The following XRCC4 variants were observed in gnomAD, a reference collection of about 807,000 sequenced individuals.
XRCC4 encodes the protein DNA repair protein XRCC4.
In XRCC4, 28 loss-of-function variants were observed where a neutral mutation model predicts 39.1. The observed-to-expected ratio is 0.72, with a 90% CI of 0.53 to 0.98. The LOEUF (loss-of-function observed/expected upper bound fraction) is 0.98. XRCC4 is among the 50% of genes least tolerant of loss of function. The probability of loss-of-function intolerance (pLI) is 0.00; values close to 1 mark genes in which losing one functional copy is unlikely to be tolerated. For missense variants in XRCC4, 350 were observed against 376.4 expected (o/e 0.93, Z 0.58); for synonymous variants, 123 against 126.4 (o/e 0.97, Z 0.18).
At chr5:83,300,701 G>C (rs1580482354) in intron 7 of XRCC4, among the ~76,000 whole-genome samples, 1 of 151,658 alleles carries the variant, frequency 6.6e-6, no homozygotes, top group East Asian at 1.9e-4. Context: ...ATCTACATTA[G>C]GTATTTCTCC....
intron 6 of XRCC4, 133 bp downstream of exon 6, chr5:83,205,054 A>T (rs1352616035): frequency 5.0e-6 from 3 of 604,934 alleles, no homozygotes; most frequent in Admixed American, 6.3e-5. Context: ...TTTTTATTTT[A>T]AAAACTCAAA....
chr5:83,237,354 G>A (rs954046998), intron 6 of XRCC4, among the ~76,000 whole-genome samples: 1 of 152,034 alleles, frequency 6.6e-6, no homozygotes, highest in Non-Finnish European at 1.5e-5. Context: ...TGTGGTACAT[G>A]TACACAATAG....
chr5:83,364,079 A>C, the XRCC4 span, among the ~76,000 whole-genome samples: 1 of 152,206 alleles, frequency 6.6e-6, no homozygotes, highest in East Asian at 1.9e-4. Context: ...AATAACACAA[A>C]GCATTGTGAA....
At chr5:83,254,753 A>G (rs867351024) in intron 6 of XRCC4, among the ~76,000 whole-genome samples, 1 of 152,108 alleles carries the variant, frequency 6.6e-6, no homozygotes, top group Non-Finnish European at 1.5e-5. Flanking sequence ...AAGACCAAAC[A>G]TTATCACAAT....
intron 1 of XRCC4, among the ~76,000 whole-genome samples, chr5:83,088,466 A>G (rs1580199249): frequency 6.6e-6 from 1 of 152,276 alleles, no homozygotes; most frequent in East Asian, 1.9e-4. Flanking sequence ...GACGTTCTGC[A>G]GGTTGATTTC....
At chr5:83,285,187 A>C (rs1469665146) in intron 7 of XRCC4, among the ~76,000 whole-genome samples, 2 of 152,168 alleles carry the variant, frequency 1.3e-5, no homozygotes, top group East Asian at 3.8e-4. Flanking sequence ...TTCTAAAGCA[A>C]ATAATATAAA....
At position 83,239,932 on chromosome 5, in the gene XRCC4, A is replaced by C. The variant is rs544161503; in HGVS notation, c.746-18598A>C. 9.4e-4 allele frequency among the ~76,000 whole-genome samples: 143 copies of C among 152,052 alleles called. 1 individual carries two copies. The highest frequency in any genetic ancestry group is 3.3e-3 in the African/African-American group (138 of 41,506). On this transcript the variant is annotated intron_variant, in intron 6 of 7. Coordinates refer to ENST00000396027, the MANE Select transcript of XRCC4 (RefSeq NM_003401.5). ...CAGCACTTTGGGAGGCTGAGGAAGG[A>C]GGATTGATTGAGGCCAGGAGTTCAA...
At chr5:83,284,577 A>G (rs564530433) in intron 7 of XRCC4, among the ~76,000 whole-genome samples, 1 of 152,162 alleles carries the variant, frequency 6.6e-6, no homozygotes, top group Admixed American at 6.5e-5. Context: ...GTTTTAATGC[A>G]CTTGGGCTGT....
the XRCC4 span, among the ~76,000 whole-genome samples, chr5:83,362,402 C>T: frequency 6.7e-6 from 1 of 149,008 alleles, no homozygotes; most frequent in African/African-American, 2.5e-5. Flanking sequence ...TGGAATTCTT[C>T]TATAGTGACC....
intron 1 of XRCC4, among the ~76,000 whole-genome samples, chr5:83,097,905 A>G (rs541458640): frequency 6.6e-6 from 1 of 152,244 alleles, no homozygotes; most frequent in East Asian, 1.9e-4. Context: ...GAAGGAAGTT[A>G]TAGTCTTGGA....
chr5:83,230,749 A>G (rs1000108255), intron 6 of XRCC4, among the ~76,000 whole-genome samples: 1 of 152,036 alleles, frequency 6.6e-6, no homozygotes, highest in Non-Finnish European at 1.5e-5. Flanking sequence ...ATAAATGAAG[A>G]TGGTGCACTT....
rs145861817 is a variant in XRCC4 at position 83,082,256 on chromosome 5, G to A, written c.-11+4641G>A. On this transcript the variant is annotated intron_variant, in intron 1 of 7. Coordinates refer to ENST00000396027, the MANE Select transcript of XRCC4 (RefSeq NM_003401.5). Reference sequence around the variant, plus strand: ...ACTTTTAAAATATAAATAAAAAATTGTGTATTTACATGTAAGATTCTAAAT... The same window carrying A: ...ACTTTTAAAATATAAATAAAAAATTATGTATTTACATGTAAGATTCTAAAT... Among the ~76,000 whole-genome samples the A allele has an allele frequency of 3.8e-3, 584 of 152,170 alleles. 16 individuals carry two copies. In the East Asian group the frequency reaches 0.05, roughly 13 times the overall value.
intron 6 of XRCC4, among the ~76,000 whole-genome samples, chr5:83,224,494 T>C (rs1313941030): frequency 6.6e-6 from 1 of 152,168 alleles, no homozygotes; most frequent in Non-Finnish European, 1.5e-5. Context: ...GTTTTAGTTG[T>C]TCTTAGTAGT....
intron 6 of XRCC4, among the ~76,000 whole-genome samples, chr5:83,220,891 C>T (rs562263954): frequency 3.3e-4 from 50 of 152,162 alleles, no homozygotes; most frequent in African/African-American, 1.1e-3. Flanking sequence ...ATCCTTTCTG[C>T]GAACTAAGCT....
At chr5:83,122,797 G>T (rs1411731450) in intron 3 of XRCC4, among the ~76,000 whole-genome samples, 2 of 151,840 alleles carry the variant, frequency 1.3e-5, no homozygotes, top group Non-Finnish European at 2.9e-5. Flanking sequence ...CCTCACCCTT[G>T]AATTAATTAG....
At chr5:83,219,552 T>G (rs1381147498) in intron 6 of XRCC4, among the ~76,000 whole-genome samples, 2 of 152,180 alleles carry the variant, frequency 1.3e-5, no homozygotes, top group Non-Finnish European at 2.9e-5. Context: ...AGTAACAGCA[T>G]TCAAACAGAT....
intron 6 of XRCC4, among the ~76,000 whole-genome samples, chr5:83,213,896 G>T (rs1751747317): frequency 6.6e-6 from 1 of 152,142 alleles, no homozygotes; most frequent in Non-Finnish European, 1.5e-5. Flanking sequence ...CTTATGTAAA[G>T]ATACTTTTGC....
chr5:83,348,928 C>G (rs2112226748), intron 7 of XRCC4, among the ~76,000 whole-genome samples: 1 of 152,290 alleles, frequency 6.6e-6, no homozygotes, highest in Admixed American at 6.5e-5. Flanking sequence ...AAAAGCATAG[C>G]AAGAGTGACC....
At chr5:83,188,937 A>C (rs1278771130) in intron 3 of XRCC4, among the ~76,000 whole-genome samples, 1 of 152,228 alleles carries the variant, frequency 6.6e-6, no homozygotes, top group African/African-American at 2.4e-5. Flanking sequence ...CAGGGAATCC[A>C]AGATTCTGTA....
Sources: allele counts gnomAD v4.1 joint callset (sites outside exome capture counted in the v4.1 genomes callset), GRCh38; gene constraint gnomAD v4.1.1; transcripts MANE v1.5; gene names NCBI Gene and HGNC (gene_info 2026-07-23, HGNC 2026-07-21).